The following NKAIN2 variants were observed in gnomAD, a reference collection of about 807,000 sequenced individuals.
NKAIN2 encodes the protein sodium/potassium transporting ATPase interacting 2, also known as sodium/potassium-transporting ATPase subunit beta-1-interacting protein 2.
A neutral mutation model predicts 32.6 loss-of-function variants in NKAIN2; 14 were observed. The observed-to-expected ratio is 0.43, with a 90% CI of 0.28 to 0.67. The LOEUF is 0.67. Among genes scored for constraint, NKAIN2 ranks in the 30% least tolerant of loss-of-function variants. NKAIN2 has a pLI of 0.17. For synonymous variants in NKAIN2, 80 were observed against 87.2 expected (o/e 0.92, Z 0.46); for missense variants, 198 against 258.3 (o/e 0.77, Z 1.60).
intron 1 of NKAIN2, among the ~76,000 whole-genome samples, chr6:124,001,513 C>CA (rs1247723873): frequency 6.6e-6 from 1 of 151,850 alleles, no homozygotes; most frequent in Non-Finnish European, 1.5e-5. Context: ...TCATACACCA[C>CA]ATTTCATTTA....
intron 3 of NKAIN2, among the ~76,000 whole-genome samples, chr6:124,589,286 G>T (rs917931421): frequency 2.6e-5 from 4 of 152,064 alleles, no homozygotes; most frequent in African/African-American, 9.7e-5. Context: ...TATTGTATGA[G>T]AATTCAATAA....
At chr6:124,270,135 C>T (rs372627846) in intron 1 of NKAIN2, among the ~76,000 whole-genome samples, 15 of 152,142 alleles carry the variant, frequency 9.9e-5, no homozygotes, top group African/African-American at 2.9e-4. Context: ...ACAGCTCACA[C>T]GCTTCCACCT....
intron 1 of NKAIN2, among the ~76,000 whole-genome samples, chr6:123,995,844 C>G (rs1398688524): frequency 6.6e-6 from 1 of 152,112 alleles, no homozygotes; most frequent in Non-Finnish European, 1.5e-5. Flanking sequence ...AACGAACTGA[C>G]TGAAATATTA....
intron 2 of NKAIN2, among the ~76,000 whole-genome samples, chr6:124,346,006 T>G (rs1562503282): frequency 1.3e-5 from 2 of 152,178 alleles, no homozygotes; most frequent in East Asian, 1.9e-4. Context: ...CTGCTTTGAA[T>G]GTGTCCTAGA....
At chr6:124,522,655 T>C (rs1196775924) in intron 3 of NKAIN2, among the ~76,000 whole-genome samples, 1 of 152,186 alleles carries the variant, frequency 6.6e-6, no homozygotes, top group Non-Finnish European at 1.5e-5. Context: ...CCACAGATTT[T>C]ATCTTATATA....
At chr6:124,212,494 C>T (rs558300289) in intron 1 of NKAIN2, among the ~76,000 whole-genome samples, 1 of 152,108 alleles carries the variant, frequency 6.6e-6, no homozygotes, top group African/African-American at 2.4e-5. Context: ...GGTCCAATGG[C>T]AGCTACTAGG....
intron 1 of NKAIN2, among the ~76,000 whole-genome samples, chr6:123,869,872 C>CT (rs137940832): frequency 0.27 from 40,546 of 152,048 alleles, 5,874 homozygotes; most frequent in East Asian, 0.48. Context: ...AAAAGCCATT[C>CT]TTTACATAGG....
intron 5 of NKAIN2, among the ~76,000 whole-genome samples, chr6:124,812,728 T>C (rs755577335): frequency 6.6e-6 from 1 of 150,792 alleles, no homozygotes; most frequent in Non-Finnish European, 1.5e-5. Context: ...CAACTCCCTT[T>C]TGACCTTTTT....
At chr6:124,043,443 T>C (rs1375278469) in intron 1 of NKAIN2, among the ~76,000 whole-genome samples, 1 of 152,078 alleles carries the variant, frequency 6.6e-6, no homozygotes, top group Non-Finnish European at 1.5e-5. Flanking sequence ...AGTCCTACCC[T>C]ATATGACAGT....
intron 1 of NKAIN2, among the ~76,000 whole-genome samples, chr6:124,216,144 C>T (rs1582864045): frequency 6.7e-6 from 1 of 148,664 alleles, no homozygotes; most frequent in South Asian, 2.1e-4. Flanking sequence ...AAATAGTCCA[C>T]AGACCACACA....
At chr6:124,384,325 TA>T (rs1482036308) in intron 3 of NKAIN2, among the ~76,000 whole-genome samples, 2 of 152,060 alleles carry the variant, frequency 1.3e-5, no homozygotes, top group Non-Finnish European at 2.9e-5. Context: ...TGCAGCAATC[TA>T]AAAAAGCTGA....
At chr6:124,109,516 T>C (rs1227124190) in intron 1 of NKAIN2, among the ~76,000 whole-genome samples, 5 of 152,058 alleles carry the variant, frequency 3.3e-5, no homozygotes, top group African/African-American at 1.2e-4. Flanking sequence ...TGTATAAGAT[T>C]ATGTGTATAT....
intron 1 of NKAIN2, among the ~76,000 whole-genome samples, chr6:124,005,850 C>T (rs1447810626): frequency 6.6e-6 from 1 of 152,136 alleles, no homozygotes; most frequent in Non-Finnish European, 1.5e-5. Context: ...GTCAATCTAT[C>T]ACTAACCTTG....
chr6:124,564,267 ACT>A (rs150885771), intron 3 of NKAIN2, among the ~76,000 whole-genome samples: 17,448 of 151,976 alleles, frequency 0.11, 1,379 homozygotes, highest in African/African-American at 0.23. Context: ...AGCAATCAGC[ACT>A]CTGTGTCTAG....
At chr6:124,489,250 T>C (rs758577659) in intron 3 of NKAIN2, among the ~76,000 whole-genome samples, 1 of 151,966 alleles carries the variant, frequency 6.6e-6, no homozygotes. Context: ...TTGTGTGAGC[T>C]AAAGGATAAA....
At chr6:124,653,687 C>T (rs1187151977) in intron 3 of NKAIN2, among the ~76,000 whole-genome samples, 1 of 152,012 alleles carries the variant, frequency 6.6e-6, no homozygotes, top group East Asian at 1.9e-4. Flanking sequence ...AAACTTCTTT[C>T]TGAAAGTATT....
chr6:124,115,241 C>A (rs1430845517), intron 1 of NKAIN2, among the ~76,000 whole-genome samples: 1 of 151,958 alleles, frequency 6.6e-6, no homozygotes, highest in Non-Finnish European at 1.5e-5. Flanking sequence ...TTAATGATTT[C>A]CAATAAATTT....
chr6:123,842,729 A>G (rs754390307), intron 1 of NKAIN2, among the ~76,000 whole-genome samples: 2 of 151,436 alleles, frequency 1.3e-5, no homozygotes, highest in Non-Finnish European at 2.9e-5. Context: ...GCCCAATGCT[A>G]TGGGATCATT....
chr6:124,823,268 A>C lies in NKAIN2; in HGVS notation c.*39A>C. Reference sequence around the variant, plus strand: ...AGTATGTCAGCCCATGGACCTTTCAAAGAACTTTTTTCGCAGTGGCCTCCT... The same window carrying C: ...AGTATGTCAGCCCATGGACCTTTCACAGAACTTTTTTCGCAGTGGCCTCCT... On this transcript the variant is annotated 3_prime_UTR_variant, in exon 7 of 7. Coordinates refer to ENST00000368417, the MANE Select transcript of NKAIN2 (RefSeq NM_001040214.3). 6.5e-7 allele frequency: 1 copy of C among 1,532,760 alleles called. No homozygotes were observed. The highest frequency in any genetic ancestry group is 9.0e-7 in the Non-Finnish European group (1 of 1,105,258). The allele number at this position is 1,532,760 out of a possible 1,614,324, so 94.9% of individuals were successfully genotyped here. A position where few individuals can be genotyped will look rare whatever the true frequency, so the allele number is the denominator to read the frequency against.
Sources: gnomAD v4.1 joint callset for allele counts (sites outside exome capture counted in the v4.1 genomes callset) on GRCh38, gnomAD v4.1.1 for gene constraint, MANE v1.5 for transcripts, NCBI Gene and HGNC (gene_info 2026-07-23, HGNC 2026-07-21) for gene names.